Variants in MED13 observed in about 807,000 individuals in gnomAD.
MED13 encodes the protein mediator complex subunit 13, also known as mediator of RNA polymerase II transcription subunit 13.
MED13 carries 23 observed loss-of-function variants against 225.2 expected under a neutral mutation model. The ratio of observed to expected loss-of-function variants is 0.10; its 90% CI spans 0.07 to 0.14. MED13 has a LOEUF of 0.14. MED13 is among the 10% of genes least tolerant of loss of function. MED13 has a pLI of 1.00. For synonymous variants in MED13, 942 were observed against 889.2 expected, an observed-to-expected ratio of 1.06 and a Z score of -1.06; for missense variants, 2,197 against 2,594.5, an observed-to-expected ratio of 0.85 and a Z score of 3.33.
Position 61,992,014 on chromosome 17 carries a change from C to T in MED13, c.2263+526G>A, listed in dbSNP as rs2080303850. Among the ~76,000 whole-genome samples, 3 of 152,170 alleles carry T rather than the reference C, an allele frequency of 2.0e-5. No homozygotes were observed. The South Asian group carries it at 6.2e-4, about 32-fold the overall frequency. On this transcript the variant is annotated intron_variant, in intron 11 of 29. Transcript: ENST00000397786. ...AGAACTGATAGTCTTCGAATTGTAA[C>T]CCCCATTGCTATAGGCTTGAAAGTA... is the stretch of plus-strand genomic sequence containing the variant.
intron 21 of MED13, among the ~76,000 whole-genome samples, chr17:61,962,426 T>C (rs2080009132): frequency 6.6e-6 from 1 of 152,208 alleles, no homozygotes; most frequent in Admixed American, 6.5e-5. Flanking sequence ...GCTTTCTCCT[T>C]TTCTTGCAAC....
intron 8 of MED13, among the ~76,000 whole-genome samples, chr17:62,015,988 G>T (rs2080576008): frequency 1.8e-5 from 1 of 56,822 alleles, no homozygotes; most frequent in African/African-American, 7.4e-5. Flanking sequence ...TTTTTTAGTA[G>T]AGACCGGTTT....
Position 61,982,357 on chromosome 17 carries a change from C to A in MED13, c.3646G>T (p.Val1216Leu). ...ADQDPFPKSG[V>L]ISNWVRVEER... ...TCAACACGTACCCAATTGCTAATTA[C>A]ACCACTTTTAGGAAAAGGATCTTGG... Residue 1216 changes from valine (V) to leucine (L), a missense_variant, in exon 16 of 30, where the codon GTA (valine) becomes TTA (leucine). Physicochemically the swap from Val to Leu is conservative, Grantham distance 32. Transcript: ENST00000397786. 1 of 1,614,210 alleles carries A rather than the reference C, an allele frequency of 6.2e-7. No homozygotes were observed. Among genetic ancestry groups the A allele is most frequent in the Non-Finnish European group, 8.5e-7 (1 of 1,180,040 alleles).
intron 3 of MED13, among the ~76,000 whole-genome samples, chr17:62,043,561 G>C (rs1359955937): frequency 6.6e-6 from 1 of 152,120 alleles, no homozygotes; most frequent in East Asian, 1.9e-4. Context: ...AGGGTTCACT[G>C]ACCACCAGAG....
intron 17 of MED13, 119 bp from the exon 18 acceptor site, chr17:61,968,377 G>A: frequency 5.7e-6 from 4 of 705,678 alleles, no homozygotes; most frequent in Non-Finnish European, 8.2e-6. Context: ...CCAGACTGGA[G>A]TGCAGTGGCG....
chr17:62,004,198 T>C (rs1253952536), intron 9 of MED13: 3 of 152,224 alleles, frequency 2.0e-5, no homozygotes, highest in Admixed American at 2.0e-4. Context: ...ATTTCTATTG[T>C]GTATCCAGAA....
In MED13 at chr17:62,010,590, C is replaced by A. The variant is rs760291129; in HGVS notation, c.1927G>T (p.Val643Phe). 64 of 1,477,318 alleles carry A rather than the reference C, an allele frequency of 4.3e-5. No individual in the cohort carries two copies. Among genetic ancestry groups the A allele is most frequent in the Non-Finnish European group, 5.5e-5 (61 of 1,112,288 alleles). The allele number at this position is 1,477,318 out of a possible 1,614,324, so 91.5% of individuals were successfully genotyped here. A position where few individuals can be genotyped will look rare whatever the true frequency, so the allele number is the denominator to read the frequency against. Residue 643 changes from valine to phenylalanine, a missense_variant, in exon 9 of 30, where the codon GTT becomes TTT. Val to Phe is a conservative substitution (Grantham distance 50, BLOSUM62 -1). Around this residue, in one of 12 missense-constraint regions of MED13, gnomAD observed 884 missense variants for 918.5 expected, o/e 0.96. Transcript: ENST00000397786. ...ACACTTTCCTGTCCAAAAGGTCCAA[C>A]TGGATCATCCTTGAATTTATCACTT... The part of the protein sequence containing the change: ...LPSDKFKDDP[V>F]GPFGQESVTS...
intron 23 of MED13, among the ~76,000 whole-genome samples, chr17:61,960,272 C>CT (rs1021350754): frequency 0.014 from 2,048 of 145,516 alleles, 24 homozygotes; most frequent in Middle Eastern, 0.039. Flanking sequence ...GACAACCAAA[C>CT]TTTTTTTTTT....
At chr17:62,020,533 C>T (rs144958428) in intron 8 of MED13, among the ~76,000 whole-genome samples, 1,928 of 151,938 alleles carry the variant, frequency 0.013, 37 homozygotes, top group African/African-American at 0.044. Context: ...TGCATCACCA[C>T]GCCCGGCTAA....
At chr17:62,017,431 G>GA (rs2080594115) in intron 8 of MED13, among the ~76,000 whole-genome samples, 1 of 151,952 alleles carries the variant, frequency 6.6e-6, no homozygotes, top group Non-Finnish European at 1.5e-5. Context: ...ATATAAAAAG[G>GA]AAAAAATAAC....
chr17:61,961,161 T>G, intron 22 of MED13, 71 bp from the exon 23 acceptor site: 1 of 1,226,672 alleles, frequency 8.2e-7, no homozygotes, highest in East Asian at 2.5e-5. Context: ...AAAATGTAAT[T>G]CTTATCTACC....
At chr17:62,012,823 TC>T (rs1156544695) in intron 8 of MED13, among the ~76,000 whole-genome samples, 1 of 151,516 alleles carries the variant, frequency 6.6e-6, no homozygotes, top group Non-Finnish European at 1.5e-5. Flanking sequence ...AGACCGAGTC[TC>T]ACTCTGTTGC....
chr17:62,063,416 G>A, intron 1 of MED13, 115 bp from the exon 2 acceptor site: 2 of 650,652 alleles, frequency 3.1e-6, no homozygotes, highest in African/African-American at 1.8e-5. Context: ...GTATGCTTGA[G>A]ATATTGACTG....
At chr17:62,048,308 G>C (rs1214731712) in intron 3 of MED13, among the ~76,000 whole-genome samples, 1 of 148,670 alleles carries the variant, frequency 6.7e-6, no homozygotes, top group Non-Finnish European at 1.5e-5. Context: ...GGGAGGCTGA[G>C]GCATGAGAAC....
At chr17:62,031,198 G>T (rs1464174538) in intron 6 of MED13, 1 of 340,578 alleles carries the variant, frequency 2.9e-6, no homozygotes, top group East Asian at 5.6e-5. Context: ...GGAGTGATGG[G>T]ACATCATGTC....
At chr17:61,995,499 G>A (rs1366006863) in intron 9 of MED13, 134 bp from the exon 10 acceptor site, 2 of 597,522 alleles carry the variant, frequency 3.3e-6, no homozygotes, top group Non-Finnish European at 5.4e-6. Context: ...CAGAAATGAG[G>A]AGGCATGAAA....
chr17:62,007,595 T>G (rs952779690), intron 9 of MED13: 1 of 152,238 alleles, frequency 6.6e-6, no homozygotes, highest in Non-Finnish European at 1.5e-5. Context: ...ACGCCTGTAA[T>G]CCCAGCACTT....
At chr17:62,034,125 CTTA>C (rs752840931) in intron 4 of MED13, 141 bp from the exon 5 acceptor site, 16 of 673,762 alleles carry the variant, frequency 2.4e-5, no homozygotes, top group Non-Finnish European at 4.0e-5. Context: ...GAAAAATCAA[CTTA>C]TTATACTTCG....
chr17:61,974,757 T>C (rs2080139197), intron 16 of MED13, among the ~76,000 whole-genome samples: 1 of 152,084 alleles, frequency 6.6e-6, no homozygotes, highest in Non-Finnish European at 1.5e-5. Context: ...AACCCTTCCA[T>C]ATACTATACA....
Sources: gnomAD v4.1 joint callset for allele counts (sites outside exome capture counted in the v4.1 genomes callset) on GRCh38, gnomAD v4.1.1 for gene constraint, gnomAD v4.1.1 regional missense constraint, MANE v1.5 for transcripts, NCBI Gene and HGNC (gene_info 2026-07-23, HGNC 2026-07-21) for gene names.